The following DIP2B variants were observed in gnomAD, a reference collection of about 807,000 sequenced individuals.
DIP2B encodes DIP2 acetate--CoA ligase B (putative).
A neutral mutation model predicts 198.0 loss-of-function variants in DIP2B; 76 were observed. The ratio of observed to expected loss-of-function variants is 0.38; its 90% CI spans 0.32 to 0.46. The LOEUF (loss-of-function observed/expected upper bound fraction) is 0.46, where lower values mean the gene tolerates loss of function less well. Among genes scored for constraint, DIP2B ranks in the 20% least tolerant of loss-of-function variants. The probability of loss-of-function intolerance (pLI) is 0.99; values close to 1 mark genes in which losing one functional copy is unlikely to be tolerated. For synonymous variants in DIP2B, 701 were observed against 739.1 expected, an observed-to-expected ratio of 0.95 and a Z score of 0.84; for missense variants, 1,559 against 1,978.4, an observed-to-expected ratio of 0.79 and a Z score of 4.02.
chr12:50,665,251 C>T (rs565244904), intron 4 of DIP2B, among the ~76,000 whole-genome samples: 1 of 152,266 alleles, frequency 6.6e-6, no homozygotes, highest in African/African-American at 2.4e-5. Context: ...ATGCAAAGAA[C>T]TTTCACATAC....
At chr12:50,642,463 A>T (rs1328443619) in intron 3 of DIP2B, among the ~76,000 whole-genome samples, 1 of 152,112 alleles carries the variant, frequency 6.6e-6, no homozygotes, top group Non-Finnish European at 1.5e-5. Context: ...AGAGCTAAAC[A>T]GATATTTTGC....
chr12:50,685,875 G>C lies in DIP2B; in HGVS notation c.1360G>C (p.Gly454Arg). The change falls in exon 11 of 38, where the codon GGT becomes CGT. Residue 454 changes from glycine (G) to arginine (R), a missense_variant. Physicochemically the swap from Gly to Arg is moderately radical, Grantham distance 125. Coordinates refer to ENST00000301180, the MANE Select transcript of DIP2B (RefSeq NM_173602.3). ...QQIGFLLGSC[G>R]IALALTSEVC... ...GATTGGCTTCTTGCTAGGAAGCTGTGGTATTGCCTTAGCTCTTACCAGTGA... is the reference window on the plus strand; with the variant it reads ...GATTGGCTTCTTGCTAGGAAGCTGTCGTATTGCCTTAGCTCTTACCAGTGA... The C allele has an allele frequency of 6.2e-7, 1 of 1,613,830 alleles. No homozygotes were observed. The highest frequency in any genetic ancestry group is 8.5e-7 in the Non-Finnish European group (1 of 1,179,826).
chr12:50,728,480 G>T, intron 29 of DIP2B, 68 bp from the exon 30 acceptor site: 1 of 1,538,338 alleles, frequency 6.5e-7, no homozygotes, highest in South Asian at 1.3e-5. Context: ...CCTCAAAGCT[G>T]TCGTCAGAGC....
intron 13 of DIP2B, 126 bp downstream of exon 13, chr12:50,691,277 T>G (rs1939217902): frequency 3.4e-6 from 3 of 874,012 alleles, no homozygotes; most frequent in South Asian, 3.8e-5. Flanking sequence ...AGACACATTC[T>G]TGGCTTGCTT....
At position 50,724,877 on chromosome 12, in the gene DIP2B, A is replaced by G. The variant is rs762315496; in HGVS notation, c.3391A>G (p.Ile1131Val). The change falls in exon 28 of 38, where the codon ATT (isoleucine) becomes GTT (valine). Residue 1131 changes from isoleucine to valine, a missense_variant. Transcript: ENST00000301180. The stretch of plus-strand genomic sequence containing the variant: ...GGATGTGAAAACCTGGCCAACCATC[A>G]TTGACACAGGTGAAAGGGAGACTTC... ...AVDVKTWPTI[I>V]DTDDLPRKRL... 1.9e-6 allele frequency: 3 copies of G among 1,614,026 alleles called. No individual in the cohort carries two copies. The African/African-American group carries it at 4.0e-5, about 22-fold the overall frequency.
chr12:50,723,815 TTATC>T (rs1426973646), intron 27 of DIP2B, among the ~76,000 whole-genome samples: 1 of 152,198 alleles, frequency 6.6e-6, no homozygotes, highest in Non-Finnish European at 1.5e-5. Context: ...TCCTGCAAAA[TTATC>T]TAGGCGATTT....
intron 3 of DIP2B, among the ~76,000 whole-genome samples, chr12:50,646,670 C>T (rs1395061174): frequency 1.3e-5 from 2 of 152,166 alleles, no homozygotes; most frequent in African/African-American, 2.4e-5. Context: ...GATCCACCCA[C>T]CCTGGCCTCT....
intron 1 of DIP2B, among the ~76,000 whole-genome samples, chr12:50,589,208 A>C (rs1593633776): frequency 6.6e-6 from 1 of 151,390 alleles, no homozygotes; most frequent in African/African-American, 2.4e-5. Flanking sequence ...AAATAAAATA[A>C]AAATAAATAA....
intron 25 of DIP2B, 58 bp downstream of exon 25, chr12:50,719,093 A>G: frequency 6.5e-7 from 1 of 1,537,316 alleles, no homozygotes; most frequent in South Asian, 1.2e-5. Context: ...CATCTTAGGC[A>G]CTCTTGATCT....
chr12:50,521,049 A>T (rs960702436), intron 1 of DIP2B, among the ~76,000 whole-genome samples: 17 of 149,612 alleles, frequency 1.1e-4, no homozygotes, highest in Non-Finnish European at 2.4e-4. Flanking sequence ...GCTTTAGTCC[A>T]TATTAATCTC....
intron 1 of DIP2B, among the ~76,000 whole-genome samples, chr12:50,581,070 A>G (rs1958720743): frequency 6.7e-6 from 1 of 149,410 alleles, no homozygotes; most frequent in Non-Finnish European, 1.5e-5. Flanking sequence ...CGGAATAACT[A>G]AATACATTTT....
intron 1 of DIP2B, among the ~76,000 whole-genome samples, chr12:50,512,938 C>T (rs562526530): frequency 5.3e-4 from 80 of 152,230 alleles, no homozygotes; most frequent in Non-Finnish European, 9.0e-4. Context: ...ACCCGGGAGG[C>T]GGAGGTTGCA....
At position 50,679,786 on chromosome 12, in the gene DIP2B, A is replaced by G. The variant is rs569472337; in HGVS notation, c.1115-886A>G. On this transcript the variant is annotated intron_variant, in intron 8 of 37. Coordinates refer to ENST00000301180, the MANE Select transcript of DIP2B (RefSeq NM_173602.3). ...TTATTTAACATCTATGAATACATCC[A>G]TATGTTCATACAGATAATTTCCATT... 88 of 152,322 alleles carry G rather than the reference A, an allele frequency of 5.8e-4. 1 individual carries two copies. Among genetic ancestry groups the G allele is most frequent in the African/African-American group, 1.9e-3 (79 of 41,574 alleles). The allele number at this position is 152,322 out of a possible 1,614,324, so 9.4% of individuals were successfully genotyped here. A position where few individuals can be genotyped will look rare whatever the true frequency, so the allele number is the denominator to read the frequency against.
At chr12:50,649,328 C>T (rs943406954) in intron 3 of DIP2B, among the ~76,000 whole-genome samples, 3 of 152,098 alleles carry the variant, frequency 2.0e-5, no homozygotes, top group East Asian at 1.9e-4. Context: ...AGTGACTGCA[C>T]GTTCTAGATA....
At chr12:50,633,693 G>A (rs1246998466) in intron 2 of DIP2B, among the ~76,000 whole-genome samples, 2 of 152,182 alleles carry the variant, frequency 1.3e-5, no homozygotes, top group African/African-American at 4.8e-5. Context: ...TTGAGCCTGG[G>A]AGGTTGAGGC....
At position 50,511,290 on chromosome 12, in the gene DIP2B, T is replaced by A. The variant is rs1302498474; in HGVS notation, c.100+6050T>A. On this transcript the variant is annotated intron_variant, in intron 1 of 37. Coordinates refer to ENST00000301180, the MANE Select transcript of DIP2B (RefSeq NM_173602.3). ...ACCTATCCCTGACCAGTGTGATTTC[T>A]ATTTTTTTTTTTTTTTTTTTTTGAG... 1.1e-4 allele frequency among the ~76,000 whole-genome samples: 10 copies of A among 88,488 alleles called. No homozygotes were observed. The Admixed American group carries it at 1.2e-3, about 10-fold the overall frequency. 58.1% of individuals were successfully genotyped at this position (88,488 alleles called of 152,430 possible). A position where few individuals can be genotyped will look rare whatever the true frequency, so the allele number is the denominator to read the frequency against.
intron 1 of DIP2B, among the ~76,000 whole-genome samples, chr12:50,531,542 A>G (rs1028391473): frequency 3.3e-5 from 5 of 152,164 alleles, no homozygotes; most frequent in African/African-American, 7.2e-5. Context: ...AGAAAATGCA[A>G]TTGAGATTAC....
intron 5 of DIP2B, among the ~76,000 whole-genome samples, chr12:50,673,294 TC>T (rs1245409492): frequency 1.3e-5 from 2 of 152,222 alleles, no homozygotes. Context: ...TATGCTTTTT[TC>T]CTTTTTTAAG....
chr12:50,608,058 G>T (rs977375604), intron 1 of DIP2B, among the ~76,000 whole-genome samples: 3 of 152,156 alleles, frequency 2.0e-5, no homozygotes, highest in Admixed American at 6.5e-5. Flanking sequence ...CTCCCAAAAT[G>T]TTGGGATTAC....
Sources: allele counts gnomAD v4.1 joint callset (sites outside exome capture counted in the v4.1 genomes callset), GRCh38; gene constraint gnomAD v4.1.1; transcripts MANE v1.5; gene names NCBI Gene and HGNC (gene_info 2026-07-23, HGNC 2026-07-21).